Variants in ARHGAP10 observed in about 807,000 individuals in gnomAD.
The protein encoded by ARHGAP10 is rho GTPase-activating protein 10.
Under a neutral mutation model 108.6 loss-of-function variants are expected in ARHGAP10, and 87 were observed. That is an observed-to-expected ratio of 0.80 (90% CI 0.67 to 0.96). The LOEUF is 0.96. Among genes scored for constraint, ARHGAP10 ranks in the 40% least tolerant of loss-of-function variants. The pLI is 0.00. For synonymous variants in ARHGAP10, 347 were observed against 341.1 expected (o/e 1.02, Z -0.19); for missense variants, 939 against 954.5 (o/e 0.98, Z 0.21).
At chr4:147,776,872 CGAG>C (rs1420341421) in intron 1 of ARHGAP10, among the ~76,000 whole-genome samples, 6 of 152,182 alleles carry the variant, frequency 3.9e-5, no homozygotes, top group African/African-American at 1.4e-4. Flanking sequence ...TGAAGAGTTT[CGAG>C]GACTTTCGTT....
intron 14 of ARHGAP10, among the ~76,000 whole-genome samples, chr4:147,944,899 A>G (rs1578718522): frequency 6.6e-6 from 1 of 152,160 alleles, no homozygotes; most frequent in Admixed American, 6.5e-5. Flanking sequence ...TATACTTTTC[A>G]GTGACTCAGC....
rs550437317 is a variant in ARHGAP10 at position 147,824,653 on chromosome 4, A to T, written c.312+1696A>T. Among the ~76,000 whole-genome samples the T allele has an allele frequency of 1.2e-4, 18 of 151,896 alleles. No individual in the cohort carries two copies. In the South Asian group the frequency reaches 3.7e-3, roughly 32 times the overall value. On this transcript the variant is annotated intron_variant, in intron 3 of 22. Transcript: ENST00000336498. ...CCTTCTTCACAAGGTGGCAGGATGG[A>T]GTTGAGTGCAGGCAGGGGAAATGCC...
Position 147,940,737 on chromosome 4 carries a change from A to G in ARHGAP10, c.1303+838A>G, listed in dbSNP as rs191965159. 1.6e-3 allele frequency among the ~76,000 whole-genome samples: 241 copies of G among 152,362 alleles called. 1 individual carries two copies. The highest frequency in any genetic ancestry group is 5.4e-3 in the African/African-American group (225 of 41,580). ...TTCCAACCTGTCTGCATCTTAAAAC[A>G]TTACAGCAAAGAGTCATTTTTAGGA... is the stretch of plus-strand genomic sequence containing the variant. On this transcript the variant is annotated intron_variant, in intron 14 of 22. Transcript: ENST00000336498.
chr4:147,888,149 C>G (rs909351819), intron 10 of ARHGAP10, among the ~76,000 whole-genome samples: 1 of 152,214 alleles, frequency 6.6e-6, no homozygotes, highest in African/African-American at 2.4e-5. Context: ...TTCTTCATTT[C>G]CCAGACCCCT....
At chr4:147,929,470 C>T (rs1236916697) in intron 13 of ARHGAP10, among the ~76,000 whole-genome samples, 1 of 152,024 alleles carries the variant, frequency 6.6e-6, no homozygotes, top group Admixed American at 6.6e-5. Context: ...TGTGTATGAA[C>T]CTGTTTATTT....
At chr4:148,060,936 C>G (rs1265885932) in intron 20 of ARHGAP10, among the ~76,000 whole-genome samples, 2 of 152,124 alleles carry the variant, frequency 1.3e-5, no homozygotes, top group Non-Finnish European at 2.9e-5. Context: ...ATTCTGTGTT[C>G]CTGTTTTGGG....
intron 16 of ARHGAP10, among the ~76,000 whole-genome samples, chr4:147,962,847 G>C (rs574362088): frequency 6.6e-6 from 1 of 152,186 alleles, no homozygotes; most frequent in Non-Finnish European, 1.5e-5. Flanking sequence ...ATTTTTAGTA[G>C]AGATGGTCTC....
chr4:147,768,652 T>G (rs931852200), intron 1 of ARHGAP10, among the ~76,000 whole-genome samples: 3 of 152,154 alleles, frequency 2.0e-5, no homozygotes, highest in Non-Finnish European at 2.9e-5. Flanking sequence ...ATGGTAGAAA[T>G]TGTAGAAGCT....
rs36217593 is a variant in ARHGAP10 at position 147,911,994 on chromosome 4, CGTGTGT to C, written c.1163-1039_1163-1034del. Among the ~76,000 whole-genome samples, 1,316 of 135,418 alleles carry C rather than the reference CGTGTGT, an allele frequency of 9.7e-3. 20 individuals are homozygous for C. Among genetic ancestry groups the C allele is most frequent in the African/African-American group, 0.029 (1,003 of 34,806 alleles). The allele number at this position is 135,418 out of a possible 152,430, so 88.8% of individuals were successfully genotyped here. A position where few individuals can be genotyped will look rare whatever the true frequency, so the allele number is the denominator to read the frequency against. ...TTCTCAAGTAATTTAAGAACATTCA[CGTGTGT>C]GTGTGTGTGTGTGTGTGTGTGTGTG... On this transcript the variant is annotated intron_variant, in intron 12 of 22. Transcript: ENST00000336498.
chr4:147,769,593 G>T (rs1424928082), intron 1 of ARHGAP10, among the ~76,000 whole-genome samples: 3 of 152,174 alleles, frequency 2.0e-5, no homozygotes, highest in African/African-American at 7.2e-5. Flanking sequence ...TACTTACGGT[G>T]ATCACCCTGA....
intron 10 of ARHGAP10, among the ~76,000 whole-genome samples, chr4:147,882,889 T>C (rs928806841): frequency 6.6e-6 from 1 of 152,216 alleles, no homozygotes; most frequent in African/African-American, 2.4e-5. Flanking sequence ...GACAGTACAG[T>C]GATTCCTTGC....
chr4:147,997,522 C>G (rs1036809320), intron 18 of ARHGAP10, among the ~76,000 whole-genome samples: 5 of 152,130 alleles, frequency 3.3e-5, no homozygotes, highest in Non-Finnish European at 5.9e-5. Context: ...GAAGCAGTCA[C>G]AGTGAATGAA....
intron 19 of ARHGAP10, 67 bp downstream of exon 19, chr4:148,023,480 G>A (rs1416203792): frequency 4.1e-6 from 6 of 1,465,238 alleles, no homozygotes; most frequent in Non-Finnish European, 3.7e-6. Flanking sequence ...ATGTCGTCAG[G>A]GCAGGCCACA....
intron 4 of ARHGAP10, among the ~76,000 whole-genome samples, chr4:147,850,751 A>C (rs1031447143): frequency 6.6e-6 from 1 of 152,168 alleles, no homozygotes; most frequent in African/African-American, 2.4e-5. Context: ...ACACAACAGG[A>C]CACAGGTTGT....
intron 3 of ARHGAP10, among the ~76,000 whole-genome samples, chr4:147,843,938 G>C (rs141805733): frequency 3.9e-5 from 6 of 151,910 alleles, no homozygotes; most frequent in Non-Finnish European, 7.4e-5. Flanking sequence ...TTTTTCTACC[G>C]TCCTACCTCT....
intron 19 of ARHGAP10, among the ~76,000 whole-genome samples, chr4:148,037,927 G>A (rs1412933904): frequency 6.6e-6 from 1 of 151,800 alleles, no homozygotes; most frequent in Non-Finnish European, 1.5e-5. Context: ...TCATATGCTG[G>A]CTGAAGCTTT....
chr4:148,049,733 G>A (rs1729040553), intron 20 of ARHGAP10, among the ~76,000 whole-genome samples: 1 of 151,656 alleles, frequency 6.6e-6, no homozygotes, highest in Non-Finnish European at 1.5e-5. Flanking sequence ...ATATTTATAT[G>A]GAATAAATGT....
intron 13 of ARHGAP10, among the ~76,000 whole-genome samples, chr4:147,939,534 G>A (rs1326827438): frequency 6.6e-6 from 1 of 152,092 alleles, no homozygotes; most frequent in Non-Finnish European, 1.5e-5. Context: ...TTACAAATTG[G>A]ATTGGTATTC....
At chr4:147,951,396 A>G (rs1198771981) in intron 15 of ARHGAP10, among the ~76,000 whole-genome samples, 1 of 113,006 alleles carries the variant, frequency 8.8e-6, no homozygotes, top group African/African-American at 2.8e-5. Context: ...AGGCTGTGGT[A>G]TAGTTGATTT....
Sources: gnomAD v4.1 joint callset for allele counts (sites outside exome capture counted in the v4.1 genomes callset) on GRCh38, gnomAD v4.1.1 for gene constraint, MANE v1.5 for transcripts, NCBI Gene and HGNC (gene_info 2026-07-23, HGNC 2026-07-21) for gene names.